Variants in PDZD2 observed in about 807,000 individuals in gnomAD.
PDZD2 encodes the protein PDZ domain containing 2, also known as PDZ domain-containing protein 2.
PDZD2 carries 90 observed loss-of-function variants against 220.7 expected under a neutral mutation model. The ratio of observed to expected loss-of-function variants is 0.41; its 90% confidence interval spans 0.34 to 0.49. The LOEUF (loss-of-function observed/expected upper bound fraction) is 0.49. Ranked by LOEUF, PDZD2 falls within the 20% of genes least tolerant of loss-of-function variation. The pLI is 0.28. For missense variants in PDZD2, 3,174 were observed against 3,608.5 expected (o/e 0.88, Z 3.08); for synonymous variants, 1,375 against 1,450.5 (o/e 0.95, Z 1.18).
chr5:31,986,541 A>G (rs1750735678), intron 3 of PDZD2, among the ~76,000 whole-genome samples: 1 of 149,024 alleles, frequency 6.7e-6, no homozygotes, highest in Non-Finnish European at 1.5e-5. Context: ...TTCATACAAG[A>G]TTGTTTAAGT....
chr5:31,905,750 C>G (rs1742585971), intron 2 of PDZD2, among the ~76,000 whole-genome samples: 3 of 152,148 alleles, frequency 2.0e-5, no homozygotes, highest in Admixed American at 2.0e-4. Flanking sequence ...TATAACTTTT[C>G]ATTTTGAAAG....
chr5:32,097,554 A>G (rs1430385048), intron 22 of PDZD2, among the ~76,000 whole-genome samples, 174 bp downstream of exon 22: 6 of 152,230 alleles, frequency 3.9e-5, no homozygotes, highest in Admixed American at 3.9e-4. Flanking sequence ...CGTTGACAAA[A>G]GACAAGCATT....
intron 1 of PDZD2, among the ~76,000 whole-genome samples, chr5:31,705,430 A>C (rs942548372): frequency 5.3e-5 from 8 of 152,300 alleles, no homozygotes; most frequent in African/African-American, 1.9e-4. Flanking sequence ...AAAGAGATAG[A>C]ATTTGAGGTT....
At chr5:31,643,114 T>G (rs1204802159) in intron 1 of PDZD2, among the ~76,000 whole-genome samples, 3 of 152,144 alleles carry the variant, frequency 2.0e-5, no homozygotes, top group Non-Finnish European at 4.4e-5. Context: ...CTAAGGTGTG[T>G]TTGGAAGGCC....
chr5:31,991,031 A>C (rs1751168391), intron 3 of PDZD2, among the ~76,000 whole-genome samples: 1 of 152,204 alleles, frequency 6.6e-6, no homozygotes, highest in Non-Finnish European at 1.5e-5. Flanking sequence ...TCAGGCAGGA[A>C]TGACAGAGTG....
At chr5:31,787,215 G>A (rs956197010) in intron 1 of PDZD2, among the ~76,000 whole-genome samples, 7 of 152,208 alleles carry the variant, frequency 4.6e-5, no homozygotes, top group Non-Finnish European at 8.8e-5. Flanking sequence ...GATAGCAACT[G>A]TTTCAAAGCA....
intron 6 of PDZD2, among the ~76,000 whole-genome samples, chr5:32,012,618 G>A (rs999854292): frequency 1.3e-5 from 2 of 151,810 alleles, no homozygotes; most frequent in African/African-American, 4.8e-5. Context: ...GAACTCCTGA[G>A]CTCAGGCAAT....
intron 2 of PDZD2, among the ~76,000 whole-genome samples, chr5:31,976,920 G>C (rs963640726): frequency 2.1e-4 from 32 of 151,472 alleles, no homozygotes; most frequent in Non-Finnish European, 3.4e-4. Flanking sequence ...GTTTCAGCAC[G>C]TTGGTCAGGC....
intron 1 of PDZD2, among the ~76,000 whole-genome samples, chr5:31,748,483 G>GC (rs1161604725): frequency 6.6e-6 from 1 of 152,176 alleles, no homozygotes; most frequent in Non-Finnish European, 1.5e-5. Context: ...AATTCCAACA[G>GC]CCCAAACCCA....
At chr5:32,037,069 T>C (rs1054215110) in intron 6 of PDZD2, among the ~76,000 whole-genome samples, 162 bp from the exon 7 acceptor site, 1 of 152,214 alleles carries the variant, frequency 6.6e-6, no homozygotes, top group Admixed American at 6.5e-5. Flanking sequence ...GCGTTGCGAA[T>C]GCAGCTTATC....
intron 2 of PDZD2, chr5:31,844,098 C>T (rs1757466734): frequency 6.6e-6 from 1 of 152,120 alleles, no homozygotes; most frequent in Admixed American, 6.5e-5. Context: ...GAGGGAGCTA[C>T]CTACCCTCAA....
chr5:31,751,305 C>T (rs1009404844), intron 1 of PDZD2, among the ~76,000 whole-genome samples: 4 of 149,694 alleles, frequency 2.7e-5, no homozygotes, highest in Non-Finnish European at 5.9e-5. Context: ...GGAGAATAGG[C>T]GATGGGGGTT....
intron 2 of PDZD2, among the ~76,000 whole-genome samples, chr5:31,977,393 G>A (rs1749884310): frequency 6.6e-6 from 1 of 152,184 alleles, no homozygotes; most frequent in Admixed American, 6.5e-5. Context: ...AATTGTGTAT[G>A]TCTTCAGCTT....
chr5:31,884,835 G>C (rs1303375442), intron 2 of PDZD2, among the ~76,000 whole-genome samples: 1 of 152,048 alleles, frequency 6.6e-6, no homozygotes, highest in Non-Finnish European at 1.5e-5. Context: ...TAGAGATAGA[G>C]TTTTGCCATG....
At chr5:31,663,022 G>C (rs759815522) in intron 1 of PDZD2, among the ~76,000 whole-genome samples, 1 of 152,120 alleles carries the variant, frequency 6.6e-6, no homozygotes, top group Non-Finnish European at 1.5e-5. Flanking sequence ...TTCAGGCCAC[G>C]GCACCACCTC....
chr5:31,704,611 C>T (rs943751530), intron 1 of PDZD2, among the ~76,000 whole-genome samples: 4 of 152,224 alleles, frequency 2.6e-5, no homozygotes, highest in African/African-American at 9.6e-5. Context: ...CTGTAATATT[C>T]TTGCCCTTTG....
At chr5:31,765,600 A>G (rs1580711843) in intron 1 of PDZD2, among the ~76,000 whole-genome samples, 1 of 152,270 alleles carries the variant, frequency 6.6e-6, no homozygotes, top group Middle Eastern at 3.4e-3. Flanking sequence ...GTGTAGCCTG[A>G]GCTGAAAAGC....
chr5:32,013,376 T>C (rs1702808481), intron 6 of PDZD2, among the ~76,000 whole-genome samples: 1 of 151,898 alleles, frequency 6.6e-6, no homozygotes, highest in African/African-American at 2.4e-5. Context: ...TAAAATTGCT[T>C]AGTCAAAGGT....
chr5:32,049,284 T>C (rs903316420), intron 8 of PDZD2, among the ~76,000 whole-genome samples: 1 of 152,098 alleles, frequency 6.6e-6, no homozygotes, highest in African/African-American at 2.4e-5. Flanking sequence ...TAGAAACCGG[T>C]CAGGTGGTCT....
Sources: allele counts gnomAD v4.1 joint callset (sites outside exome capture counted in the v4.1 genomes callset), GRCh38; gene constraint gnomAD v4.1.1; transcripts MANE v1.5; gene names NCBI Gene and HGNC (gene_info 2026-07-23, HGNC 2026-07-21).